ADAM32: variants seen among roughly 807,000 people sequenced by gnomAD.
ADAM32 encodes disintegrin and metalloproteinase domain-containing protein 32.
In ADAM32, 89 loss-of-function variants were observed where a neutral mutation model predicts 114.9. That is an observed-to-expected ratio of 0.77 (90% CI 0.65 to 0.92). The LOEUF (loss-of-function observed/expected upper bound fraction) is 0.92, where lower values mean the gene tolerates loss of function less well. Among genes scored for constraint, ADAM32 ranks in the 40% least tolerant of loss-of-function variants. The probability of loss-of-function intolerance (pLI) is 0.00; values close to 1 mark genes in which losing one functional copy is unlikely to be tolerated. For synonymous variants in ADAM32, 285 were observed against 307.5 expected (o/e 0.93, Z 0.77); for missense variants, 870 against 932.8 (o/e 0.93, Z 0.88).
intron 11 of ADAM32, among the ~76,000 whole-genome samples, chr8:39,187,535 T>C (rs1301746829): frequency 6.6e-6 from 1 of 152,170 alleles, no homozygotes; most frequent in Non-Finnish European, 1.5e-5. Flanking sequence ...CCTCCCAAAG[T>C]GCTGGGATTA....
rs150725703 is a variant in ADAM32 at position 39,272,804 on chromosome 8, G to A, written c.2202-1508G>A. ...TTCTTCAATAATATATTAACCTTACGTTTTACTATAACTTTTAAAATTGAT... is the reference window on the plus strand; with the variant it reads ...TTCTTCAATAATATATTAACCTTACATTTTACTATAACTTTTAAAATTGAT... On this transcript the variant is annotated intron_variant, in intron 20 of 24. Transcript: ENST00000379907. 2.0e-3 allele frequency among the ~76,000 whole-genome samples: 309 copies of A among 152,042 alleles called. 1 individual carries two copies. The highest frequency in any genetic ancestry group is 6.7e-3 in the African/African-American group (279 of 41,490).
At chr8:39,277,534 A>G (rs1286875103) in intron 22 of ADAM32, among the ~76,000 whole-genome samples, 1 of 152,198 alleles carries the variant, frequency 6.6e-6, no homozygotes, top group Non-Finnish European at 1.5e-5. Context: ...GACTCATGAC[A>G]GGGGTGCCTC....
At chr8:39,174,701 T>C (rs1805409758) in intron 10 of ADAM32, among the ~76,000 whole-genome samples, 1 of 139,884 alleles carries the variant, frequency 7.1e-6, no homozygotes, top group Admixed American at 7.5e-5. Flanking sequence ...GATAGTTTTT[T>C]TTTCTAATTC....
At chr8:39,224,146 T>C (rs1809182259) in intron 14 of ADAM32, 1 of 152,212 alleles carries the variant, frequency 6.6e-6, no homozygotes, top group Non-Finnish European at 1.5e-5. Flanking sequence ...ACTCTGACTT[T>C]CATTCCATCA....
chr8:39,145,225 C>A (rs140976773), intron 3 of ADAM32, among the ~76,000 whole-genome samples: 59 of 152,236 alleles, frequency 3.9e-4, no homozygotes, highest in African/African-American at 1.3e-3. Context: ...AATGTCCATA[C>A]TGTCCAAATT....
At chr8:39,108,014 G>T (rs1839998510) in intron 1 of ADAM32, 181 bp downstream of exon 1, 1 of 797,174 alleles carries the variant, frequency 1.3e-6, no homozygotes, top group Admixed American at 3.5e-5. Flanking sequence ...CCCAGCACCA[G>T]GGCTCACGCC....
chr8:39,198,046 C>A (rs7015922), intron 11 of ADAM32, among the ~76,000 whole-genome samples: 151,661 of 152,224 alleles, frequency 1, 75,552 homozygotes, highest in Non-Finnish European at 1. Flanking sequence ...CTCTTGCTGA[C>A]TTGTTCTCTT....
In ADAM32 at chr8:39,232,286, C is replaced by G. The variant is rs183677896; in HGVS notation, c.1634+151C>G. ...ATCAAAATCCCCAGCCCTGACACCT[C>G]TTTTGTGCTGCAGGCTAAAATTTCA... On this transcript the variant is annotated intron_variant, in intron 15 of 24. Coordinates refer to ENST00000379907, the MANE Select transcript of ADAM32 (RefSeq NM_145004.7). Among the ~76,000 whole-genome samples the G allele has an allele frequency of 2.0e-5, 3 of 152,280 alleles. No individual in the cohort carries two copies. The East Asian group carries it at 5.8e-4, about 29-fold the overall frequency.
At chr8:39,234,904 T>C (rs1366014647) in intron 16 of ADAM32, among the ~76,000 whole-genome samples, 2 of 152,176 alleles carry the variant, frequency 1.3e-5, no homozygotes, top group African/African-American at 4.8e-5. Flanking sequence ...ATGCTTTTCT[T>C]AAGTGGACCA....
chr8:39,134,150 A>C (rs1184505175), intron 2 of ADAM32, among the ~76,000 whole-genome samples: 1 of 152,102 alleles, frequency 6.6e-6, no homozygotes, highest in Non-Finnish European at 1.5e-5. Context: ...GGATGTCAGC[A>C]GGGCTCCAGG....
intron 8 of ADAM32, 30 bp downstream of exon 8, chr8:39,164,865 A>G: frequency 1.3e-6 from 2 of 1,578,072 alleles, no homozygotes; most frequent in Non-Finnish European, 1.7e-6. Context: ...TATTAAAATA[A>G]TTGTTGTTTT....
chr8:39,172,552 C>T (rs1805265135), intron 10 of ADAM32, among the ~76,000 whole-genome samples: 1 of 152,192 alleles, frequency 6.6e-6, no homozygotes, highest in South Asian at 2.1e-4. Flanking sequence ...TATTGTTCAG[C>T]TCCCACTTAT....
At chr8:39,138,471 G>T (rs1489104505) in intron 3 of ADAM32, among the ~76,000 whole-genome samples, 1 of 152,076 alleles carries the variant, frequency 6.6e-6, no homozygotes, top group Non-Finnish European at 1.5e-5. Flanking sequence ...ATGGTTTCCA[G>T]CTTCATCCAT....
intron 6 of ADAM32, chr8:39,158,003 A>G: frequency 3.5e-6 from 1 of 285,420 alleles, no homozygotes; most frequent in South Asian, 4.4e-5. Context: ...TGGGTCTTGT[A>G]GGGCAGCTTC....
At chr8:39,147,611 C>T (rs1415639745) in intron 4 of ADAM32, among the ~76,000 whole-genome samples, 11 of 151,974 alleles carry the variant, frequency 7.2e-5, no homozygotes, top group Non-Finnish European at 1.6e-4. Flanking sequence ...CCCTGCCCTT[C>T]AAACTAAGTG....
At chr8:39,243,691 T>C (rs866834572) in intron 16 of ADAM32, among the ~76,000 whole-genome samples, 8 of 152,128 alleles carry the variant, frequency 5.3e-5, no homozygotes, top group Middle Eastern at 3.2e-3. Flanking sequence ...TAGGGAAAAG[T>C]TGAAAGCATT....
intron 6 of ADAM32, chr8:39,157,941 C>A: frequency 2.8e-6 from 1 of 363,214 alleles, no homozygotes; most frequent in South Asian, 3.0e-5. Flanking sequence ...CAGAGAAGGT[C>A]ATATGGGCAG....
intron 19 of ADAM32, among the ~76,000 whole-genome samples, chr8:39,269,071 G>C (rs1812546338): frequency 6.6e-6 from 1 of 152,222 alleles, no homozygotes. Context: ...GAAGATGCAA[G>C]AGGCGAGGGA....
intron 16 of ADAM32, among the ~76,000 whole-genome samples, chr8:39,240,061 C>T (rs1397947173): frequency 6.6e-6 from 1 of 152,162 alleles, no homozygotes; most frequent in Non-Finnish European, 1.5e-5. Context: ...TTAAATTATA[C>T]CCTAGAACAA....
Sources: gnomAD v4.1 joint callset for allele counts (sites outside exome capture counted in the v4.1 genomes callset) on GRCh38, gnomAD v4.1.1 for gene constraint, MANE v1.5 for transcripts, NCBI Gene and HGNC (gene_info 2026-07-23, HGNC 2026-07-21) for gene names.